SNX29: variants seen among roughly 807,000 people sequenced by gnomAD.
SNX29 encodes the protein sorting nexin-29.
Under a neutral mutation model 102.1 loss-of-function variants are expected in SNX29, and 78 were observed. The observed-to-expected ratio is 0.76, with a 90% confidence interval of 0.64 to 0.92. SNX29 has a LOEUF of 0.92. Ranked by LOEUF, SNX29 falls within the 40% of genes least tolerant of loss-of-function variation. The pLI, the probability that SNX29 is intolerant of heterozygous loss-of-function variation, is 0.00. For synonymous variants in SNX29, 580 were observed against 414.5 expected (o/e 1.40, Z -4.85); for missense variants, 1,280 against 1,061.7 (o/e 1.21, Z -2.86).
chr16:12,117,382 CGTGG>C (rs1405188508), intron 11 of SNX29, among the ~76,000 whole-genome samples: 24 of 140,640 alleles, frequency 1.7e-4, no homozygotes, highest in Non-Finnish European at 2.4e-4. Flanking sequence ...GCGGACGAAC[CGTGG>C]AAACAGGCGT....
intron 20 of SNX29, among the ~76,000 whole-genome samples, chr16:12,545,784 C>T (rs1031836219): frequency 6.6e-6 from 1 of 152,084 alleles, no homozygotes; most frequent in Non-Finnish European, 1.5e-5. Context: ...CAGTACCTTT[C>T]ACCACTAGGC....
intron 16 of SNX29, chr16:12,367,552 T>C (rs2082530713): frequency 6.6e-6 from 1 of 152,224 alleles, no homozygotes; most frequent in Non-Finnish European, 1.5e-5. Context: ...GTAATAAGAT[T>C]CACTATACAA....
chr16:12,542,778 A>T (rs1182537410), intron 20 of SNX29, among the ~76,000 whole-genome samples: 2 of 151,546 alleles, frequency 1.3e-5, no homozygotes, highest in Non-Finnish European at 2.9e-5. Context: ...TTTTTTAAAC[A>T]AAGTATTAGT....
chr16:12,126,691 G>C lies in SNX29; in HGVS notation c.1461G>C (p.Glu487Asp), dbSNP rs1158940505. The C allele has an allele frequency of 6.2e-7, 1 of 1,613,862 alleles. No individual in the cohort carries two copies. The highest frequency in any genetic ancestry group is 8.5e-7 in the Non-Finnish European group (1 of 1,179,862). Residue 487 changes from glutamate to aspartate, a missense_variant, in exon 12 of 21, where the codon GAG (glutamate) becomes GAC (aspartate). Glu to Asp is a conservative substitution (Grantham distance 45, BLOSUM62 2). Coordinates refer to ENST00000566228, the MANE Select transcript of SNX29 (RefSeq NM_032167.5). ...ACAGGAAGGATGAGCTGGAGGAGGA[G>C]AACAGGTACCGTGATTTTCAGGCTT... ...MMNRKDELEE[E>D]NRSLRNLLDG...
chr16:12,399,724 TGGGGTCG>T (rs1452157753), intron 17 of SNX29, among the ~76,000 whole-genome samples: 1 of 151,098 alleles, frequency 6.6e-6, no homozygotes, highest in Non-Finnish European at 1.5e-5. Context: ...GGGCAGCTGC[TGGGGTCG>T]GGGGTGGCGG....
At chr16:12,321,722 CG>C (rs1426311203) in intron 15 of SNX29, among the ~76,000 whole-genome samples, 2 of 152,056 alleles carry the variant, frequency 1.3e-5, no homozygotes, top group African/African-American at 4.8e-5. Context: ...ATGAGGGCCC[CG>C]GGGAGAAGAA....
At chr16:12,462,448 G>T (rs756055251) in intron 18 of SNX29, among the ~76,000 whole-genome samples, 7 of 152,050 alleles carry the variant, frequency 4.6e-5, no homozygotes, top group Non-Finnish European at 8.8e-5. Flanking sequence ...TAATTTTTCT[G>T]TTACCAAAGT....
chr16:11,981,122 C>T (rs771184232), intron 1 of SNX29, among the ~76,000 whole-genome samples: 116 of 152,172 alleles, frequency 7.6e-4, no homozygotes, highest in Non-Finnish European at 1.4e-3. Context: ...TGCACACCCC[C>T]ACACCCAGCT....
intron 15 of SNX29, among the ~76,000 whole-genome samples, chr16:12,305,037 G>T (rs1275739736): frequency 6.6e-6 from 1 of 152,234 alleles, no homozygotes; most frequent in Non-Finnish European, 1.5e-5. Context: ...CAGTTAAAGA[G>T]CGTGCTGTGC....
chr16:12,541,324 C>G (rs961344648), intron 20 of SNX29, among the ~76,000 whole-genome samples: 9 of 152,174 alleles, frequency 5.9e-5, no homozygotes, highest in African/African-American at 1.9e-4. Flanking sequence ...TGGAGGACTT[C>G]TGAGTGCCAG....
At chr16:12,156,890 C>G (rs1458436220) in intron 13 of SNX29, among the ~76,000 whole-genome samples, 1 of 151,956 alleles carries the variant, frequency 6.6e-6, no homozygotes, top group Non-Finnish European at 1.5e-5. Context: ...GACCAAGGAC[C>G]AGGGGGCATT....
chr16:12,201,593 G>T (rs1053681135), intron 14 of SNX29, among the ~76,000 whole-genome samples: 10 of 152,192 alleles, frequency 6.6e-5, no homozygotes, highest in Non-Finnish European at 1.3e-4. Flanking sequence ...ACTTTACTGT[G>T]CAGAGGAATT....
intron 13 of SNX29, among the ~76,000 whole-genome samples, chr16:12,156,451 G>A (rs540636046): frequency 5.9e-5 from 9 of 152,318 alleles, no homozygotes; most frequent in African/African-American, 1.9e-4. Flanking sequence ...GATTACAGGC[G>A]TGAGCCTTGT....
chr16:12,436,905 G>T (rs576582938), intron 18 of SNX29, among the ~76,000 whole-genome samples: 1 of 152,062 alleles, frequency 6.6e-6, no homozygotes, highest in East Asian at 1.9e-4. Context: ...TGCCTGCCTC[G>T]GCCTCCCAAA....
chr16:12,352,660 A>G (rs1375785397), intron 15 of SNX29, among the ~76,000 whole-genome samples: 2 of 152,230 alleles, frequency 1.3e-5, no homozygotes, highest in South Asian at 4.1e-4. Context: ...TGCACCTTGC[A>G]AGCACAAGTT....
chr16:12,563,350 G>T (rs1028247900), intron 20 of SNX29, among the ~76,000 whole-genome samples: 1 of 152,174 alleles, frequency 6.6e-6, no homozygotes, highest in African/African-American at 2.4e-5. Flanking sequence ...CCATTATCCT[G>T]AGCCTGTCTT....
chr16:12,333,061 A>G (rs564736620), intron 15 of SNX29, among the ~76,000 whole-genome samples: 24 of 151,136 alleles, frequency 1.6e-4, no homozygotes, highest in Non-Finnish European at 2.8e-4. Context: ...GATATTTAGC[A>G]GTGTGCATTT....
intron 14 of SNX29, among the ~76,000 whole-genome samples, chr16:12,248,979 G>A (rs560301132): frequency 2.6e-5 from 4 of 152,292 alleles, no homozygotes; most frequent in South Asian, 4.1e-4. Flanking sequence ...TACCTGGGAA[G>A]TGCGGTGCTG....
chr16:11,986,776 C>G (rs2055645669), intron 1 of SNX29, among the ~76,000 whole-genome samples: 2 of 152,166 alleles, frequency 1.3e-5, no homozygotes, highest in Admixed American at 6.6e-5. Context: ...TGTGGGCCAT[C>G]TGGTCTCAGC....
Sources: gnomAD v4.1 joint callset for allele counts (sites outside exome capture counted in the v4.1 genomes callset) on GRCh38, gnomAD v4.1.1 for gene constraint, MANE v1.5 for transcripts, NCBI Gene and HGNC (gene_info 2026-07-23, HGNC 2026-07-21) for gene names.